The following ANP32B variants were observed in gnomAD, a reference collection of about 807,000 sequenced individuals.
The protein encoded by ANP32B is acidic nuclear phosphoprotein 32 family member B, also known as acidic leucine-rich nuclear phosphoprotein 32 family member B.
In ANP32B, 6 loss-of-function variants were observed where a neutral mutation model predicts 32.2. That is an observed-to-expected ratio of 0.19 (90% CI 0.10 to 0.37). The LOEUF is 0.37. Among genes scored for constraint, ANP32B ranks in the 10% least tolerant of loss-of-function variants. The probability of loss-of-function intolerance (pLI) is 1.00; values close to 1 mark genes in which losing one functional copy is unlikely to be tolerated. For synonymous variants in ANP32B, 98 were observed against 105.8 expected, an observed-to-expected ratio of 0.93 and a Z score of 0.45; for missense variants, 204 against 289.2, an observed-to-expected ratio of 0.71 and a Z score of 2.14.
intron 4 of ANP32B, among the ~76,000 whole-genome samples, chr9:98,007,512 A>T (rs1464650752): frequency 2.0e-5 from 3 of 152,248 alleles, no homozygotes; most frequent in African/African-American, 4.8e-5. Context: ...GAGGATGTGC[A>T]TGAGACTATG....
intron 1 of ANP32B, among the ~76,000 whole-genome samples, chr9:97,984,258 G>A (rs537236235): frequency 4.4e-4 from 66 of 151,098 alleles, no homozygotes; most frequent in African/African-American, 1.6e-3. Context: ...GGGCCAGGGC[G>A]GCGGAGGTGG....
Position 98,011,396 on chromosome 9 carries a change from G to A in ANP32B, c.636+7G>A. 1 of 1,589,186 alleles carries A rather than the reference G, an allele frequency of 6.3e-7. No individual in the cohort carries two copies. Among genetic ancestry groups the A allele is most frequent in the Non-Finnish European group, 8.6e-7 (1 of 1,164,944 alleles). On this transcript the variant is annotated splice_region_variant and intron_variant, in intron 5 of 6. Coordinates refer to ENST00000339399, the MANE Select transcript of ANP32B (RefSeq NM_006401.3). ...CGATGAAGTCAGTGAGGAGGTCAGT[G>A]CAGCTGTTTTCTACCCTGCTTCCTA... is the stretch of plus-strand genomic sequence containing the variant.
rs1201384820 is a variant in ANP32B at position 98,015,232 on chromosome 9, A to G, written c.689-132A>G. The G allele has an allele frequency of 3.7e-6, 5 of 1,341,258 alleles. No individual in the cohort carries two copies. In the East Asian group the frequency reaches 7.8e-5, roughly 21 times the overall value. The allele number at this position is 1,341,258 out of a possible 1,614,324, so 83.1% of individuals were successfully genotyped here. On this transcript the variant is annotated intron_variant, in intron 6 of 6. Transcript: ENST00000339399. The stretch of plus-strand genomic sequence containing the variant: ...CACTTATACTTGCTATTAGTCACCT[A>G]TATTAATCTGATCAAGTTTACATTG...
chr9:98,008,738 T>A (rs1828130664), intron 4 of ANP32B, among the ~76,000 whole-genome samples: 1 of 152,210 alleles, frequency 6.6e-6, no homozygotes, highest in Admixed American at 6.5e-5. Flanking sequence ...CAGATGGGAC[T>A]GTCTAGTTGC....
intron 1 of ANP32B, among the ~76,000 whole-genome samples, chr9:97,991,584 T>A (rs1193731952): frequency 6.6e-6 from 1 of 151,418 alleles, no homozygotes; most frequent in Non-Finnish European, 1.5e-5. Flanking sequence ...AATCGAGAGG[T>A]TACAAAAAGT....
intron 1 of ANP32B, 147 bp from the exon 2 acceptor site, chr9:97,994,484 C>T (rs2131583961): frequency 2.9e-6 from 2 of 684,946 alleles, no homozygotes; most frequent in South Asian, 2.1e-5. Flanking sequence ...CAGTTTTTAT[C>T]TTTTTATAAC....
At chr9:97,985,778 C>T (rs951816691) in intron 1 of ANP32B, among the ~76,000 whole-genome samples, 11 of 152,124 alleles carry the variant, frequency 7.2e-5, no homozygotes, top group Admixed American at 3.9e-4. Flanking sequence ...AGTAATATTG[C>T]TTTAAAAACA....
At position 98,011,264 on chromosome 9, in the gene ANP32B, T is replaced by G; in HGVS notation, c.518-7T>G. On this transcript the variant is annotated splice_region_variant and splice_polypyrimidine_tract_variant and intron_variant, in intron 4 of 6. Coordinates refer to ENST00000339399, the MANE Select transcript of ANP32B (RefSeq NM_006401.3). ...TATTTAATGAATCCCTTTTGGACTA[T>G]TTTTAGAAGGAGAAGATGAGGAAGA... The G allele has an allele frequency of 6.4e-7, 1 of 1,551,212 alleles. No homozygotes were observed. Among genetic ancestry groups the G allele is most frequent in the Non-Finnish European group, 8.7e-7 (1 of 1,146,640 alleles).
intron 2 of ANP32B, among the ~76,000 whole-genome samples, chr9:97,996,569 CCTATTCCAGAA>C (rs1484383404): frequency 6.6e-6 from 1 of 152,080 alleles, no homozygotes; most frequent in Non-Finnish European, 1.5e-5. Flanking sequence ...TTATTTTCTT[CCTATTCCAGAA>C]CACAAATTGG....
intron 1 of ANP32B, 69 bp downstream of exon 1, chr9:97,983,678 C>T: frequency 1.5e-6 from 2 of 1,332,292 alleles, no homozygotes; most frequent in South Asian, 2.8e-5. Context: ...ACCTGCGGGG[C>T]CCGGGCTGAG....
intron 4 of ANP32B, among the ~76,000 whole-genome samples, 158 bp from the exon 5 acceptor site, chr9:98,011,113 G>A (rs981767026): frequency 3.9e-5 from 6 of 152,126 alleles, no homozygotes; most frequent in African/African-American, 1.2e-4. Context: ...GGACTCTATC[G>A]GACAAAGGGA....
chr9:98,005,169 A>G lies in ANP32B; in HGVS notation c.517+16A>G, dbSNP rs1243524708. 3.1e-6 allele frequency: 5 copies of G among 1,610,138 alleles called. No individual in the cohort carries two copies. The South Asian group carries it at 4.4e-5, about 14-fold the overall frequency. On this transcript the variant is annotated intron_variant, in intron 4 of 6. Coordinates refer to ENST00000339399, the MANE Select transcript of ANP32B (RefSeq NM_006401.3). The stretch of plus-strand genomic sequence containing the variant: ...GAGGACGAAGGTGAGTAGGCTCAGC[A>G]TCTGGTGAACCTGATGTCTGCCTTT...
intron 3 of ANP32B, among the ~76,000 whole-genome samples, chr9:98,000,290 A>G (rs1424129100): frequency 6.6e-6 from 1 of 151,976 alleles, no homozygotes; most frequent in African/African-American, 2.4e-5. Context: ...GAGTCTCTTT[A>G]TTTTTACATT....
chr9:97,997,876 T>A (rs999688822), intron 2 of ANP32B, among the ~76,000 whole-genome samples: 1 of 152,240 alleles, frequency 6.6e-6, no homozygotes, highest in Admixed American at 6.5e-5. Context: ...ATTGGCACAT[T>A]ACTTGCCTGT....
At chr9:98,008,290 A>G (rs1236805690) in intron 4 of ANP32B, among the ~76,000 whole-genome samples, 2 of 152,200 alleles carry the variant, frequency 1.3e-5, no homozygotes, top group Non-Finnish European at 1.5e-5. Flanking sequence ...GTGATTTTTG[A>G]AAGAGAGTGA....
chr9:97,994,689 C>G lies in ANP32B; in HGVS notation c.113C>G (p.Thr38Arg), dbSNP rs748208608. 5.6e-6 allele frequency: 9 copies of G among 1,612,428 alleles called. No homozygotes were observed. The highest frequency in any genetic ancestry group is 7.6e-6 in the Non-Finnish European group (9 of 1,179,568). Residue 38 changes from threonine (T) to arginine (R), a missense_variant, in exon 2 of 7, where the codon ACA (threonine) becomes AGA (arginine). Transcript: ENST00000339399. Reference sequence around the variant, plus strand: ...AATGATGGAAAAATTGAGGGCTTAACAGCTGAATTTGTGAACTTAGAGTTC... The same window carrying G: ...AATGATGGAAAAATTGAGGGCTTAAGAGCTGAATTTGTGAACTTAGAGTTC... Reference protein sequence around the residue: ...KSNDGKIEGLTAEFVNLEFLS... With the variant: ...KSNDGKIEGLRAEFVNLEFLS...
chr9:97,987,413 A>G (rs1256983751), intron 1 of ANP32B: 3 of 152,230 alleles, frequency 2.0e-5, no homozygotes, highest in African/African-American at 7.2e-5. Context: ...TACACCATAT[A>G]TACACCATGG....
At chr9:98,010,130 G>C (rs1218991466) in intron 4 of ANP32B, among the ~76,000 whole-genome samples, 1 of 152,024 alleles carries the variant, frequency 6.6e-6, no homozygotes, top group Non-Finnish European at 1.5e-5. Context: ...CAGTTCCTGA[G>C]AGCAAAGATG....
Position 97,993,199 on chromosome 9 carries a change from G to C in ANP32B, c.55-1432G>C, listed in dbSNP as rs1002687754. ...GGAAGTAGACAGGGTAGTGAGAAGC[G>C]GTTAGGCACTTACTATGTTGTGGGC... On this transcript the variant is annotated intron_variant, in intron 1 of 6. Coordinates refer to ENST00000339399, the MANE Select transcript of ANP32B (RefSeq NM_006401.3). Among the ~76,000 whole-genome samples, 7 of 152,140 alleles carry C rather than the reference G, an allele frequency of 4.6e-5. 1 individual carries two copies. The highest frequency in any genetic ancestry group is 1.7e-4 in the African/African-American group (7 of 41,412).
Sources: allele counts gnomAD v4.1 joint callset (sites outside exome capture counted in the v4.1 genomes callset), GRCh38; gene constraint gnomAD v4.1.1; transcripts MANE v1.5; gene names NCBI Gene and HGNC (gene_info 2026-07-23, HGNC 2026-07-21).